KIF26B: variants seen among roughly 807,000 people sequenced by gnomAD.
KIF26B encodes the protein kinesin family member 26B, also known as kinesin-like protein KIF26B.
A neutral mutation model predicts 151.2 loss-of-function variants in KIF26B; 63 were observed. That is an observed-to-expected ratio of 0.42 (90% confidence interval 0.34 to 0.51). The LOEUF (loss-of-function observed/expected upper bound fraction) is 0.51, where lower values mean the gene tolerates loss of function less well. Among genes scored for constraint, KIF26B ranks in the 20% least tolerant of loss-of-function variants. The pLI is 0.07. For missense variants in KIF26B, 2,813 were observed against 2,913.6 expected (o/e 0.97, Z 0.79); for synonymous variants, 1,357 against 1,262.1 (o/e 1.08, Z -1.59).
intron 3 of KIF26B, among the ~76,000 whole-genome samples, chr1:245,408,349 C>CTTTTTT (rs58724712): frequency 7.1e-5 from 8 of 113,334 alleles, no homozygotes; most frequent in Non-Finnish European, 1.5e-4. Context: ...TTAAATGATT[C>CTTTTTT]TTTTTTTTTT....
At chr1:245,591,519 T>G (rs1225797862) in intron 5 of KIF26B, among the ~76,000 whole-genome samples, 1 of 152,128 alleles carries the variant, frequency 6.6e-6, no homozygotes, top group Admixed American at 6.5e-5. Context: ...CAGCCAGCAC[T>G]CAAACCCAGG....
At chr1:245,173,807 G>A (rs1162017354) in intron 2 of KIF26B, among the ~76,000 whole-genome samples, 1 of 152,206 alleles carries the variant, frequency 6.6e-6, no homozygotes, top group Non-Finnish European at 1.5e-5. Flanking sequence ...TGAGAATAGG[G>A]CTGGCCCTGG....
intron 2 of KIF26B, among the ~76,000 whole-genome samples, chr1:245,314,535 G>A (rs547905693): frequency 1.3e-5 from 2 of 152,332 alleles, no homozygotes; most frequent in Non-Finnish European, 2.9e-5. Flanking sequence ...TGACTACTAT[G>A]TGTTCAATAA....
chr1:245,680,251 G>A (rs1199602427), intron 10 of KIF26B, among the ~76,000 whole-genome samples: 2 of 152,098 alleles, frequency 1.3e-5, no homozygotes, highest in African/African-American at 4.8e-5. Flanking sequence ...GGTTGGGAAA[G>A]CCGCAGCTTT....
intron 4 of KIF26B, among the ~76,000 whole-genome samples, chr1:245,468,136 T>C (rs1194346506): frequency 6.6e-6 from 1 of 152,184 alleles, no homozygotes; most frequent in Non-Finnish European, 1.5e-5. Context: ...TTTGGAATGA[T>C]CAGAAACTTT....
At chr1:245,372,661 T>C (rs1271675137) in intron 3 of KIF26B, among the ~76,000 whole-genome samples, 1 of 152,242 alleles carries the variant, frequency 6.6e-6, no homozygotes, top group East Asian at 1.9e-4. Flanking sequence ...ACAGATTAGT[T>C]ACCTCTTTTT....
At chr1:245,398,985 T>C (rs1673928490) in intron 3 of KIF26B, among the ~76,000 whole-genome samples, 1 of 152,126 alleles carries the variant, frequency 6.6e-6, no homozygotes, top group African/African-American at 2.4e-5. Context: ...AGATATGCTG[T>C]CACGTAGCCA....
intron 9 of KIF26B, among the ~76,000 whole-genome samples, chr1:245,616,020 G>T (rs180988509): frequency 3.9e-5 from 6 of 152,170 alleles, no homozygotes; most frequent in Admixed American, 2.6e-4. Flanking sequence ...GATCTCTGCC[G>T]CAAGAACTAA....
chr1:245,484,590 A>C (rs1660234922), intron 4 of KIF26B, among the ~76,000 whole-genome samples: 1 of 151,768 alleles, frequency 6.6e-6, no homozygotes. Flanking sequence ...TTGCAGCAAA[A>C]TGAAATAGAT....
At chr1:245,510,839 C>T (rs920197732) in intron 4 of KIF26B, among the ~76,000 whole-genome samples, 2 of 152,192 alleles carry the variant, frequency 1.3e-5, no homozygotes, top group Non-Finnish European at 2.9e-5. Flanking sequence ...CTGAGCTGCA[C>T]TGGGAAGGTG....
At chr1:245,658,204 A>G (rs1040281506) in intron 10 of KIF26B, among the ~76,000 whole-genome samples, 2 of 152,186 alleles carry the variant, frequency 1.3e-5, no homozygotes, top group Admixed American at 1.3e-4. Context: ...CTTGATGCGC[A>G]CAGCTACAGG....
At chr1:245,187,014 G>A (rs1047094087) in intron 2 of KIF26B, among the ~76,000 whole-genome samples, 2 of 151,842 alleles carry the variant, frequency 1.3e-5, no homozygotes, top group African/African-American at 4.8e-5. Context: ...GCACCACCAC[G>A]CTCAGCTAAT....
chr1:245,456,011 A>C (rs1194799818), intron 4 of KIF26B, among the ~76,000 whole-genome samples: 2 of 152,224 alleles, frequency 1.3e-5, no homozygotes, highest in African/African-American at 4.8e-5. Context: ...GTATCAGGGT[A>C]TAAAGAAAAA....
chr1:245,445,501 T>C (rs999914589), intron 4 of KIF26B, among the ~76,000 whole-genome samples: 12 of 152,232 alleles, frequency 7.9e-5, no homozygotes, highest in African/African-American at 2.9e-4. Context: ...TGTGTATGCA[T>C]GCATGTGCGC....
intron 3 of KIF26B, among the ~76,000 whole-genome samples, chr1:245,402,346 C>T (rs1307754025): frequency 6.6e-6 from 1 of 152,156 alleles, no homozygotes; most frequent in African/African-American, 2.4e-5. Flanking sequence ...CATCTGAGTC[C>T]CTCCTGTCTG....
intron 4 of KIF26B, among the ~76,000 whole-genome samples, chr1:245,440,810 G>A (rs1232786928): frequency 1.3e-5 from 2 of 152,210 alleles, no homozygotes; most frequent in African/African-American, 2.4e-5. Flanking sequence ...GAAAGTGGGC[G>A]AGGATCTAGA....
At chr1:245,254,737 C>T (rs995229843) in intron 2 of KIF26B, among the ~76,000 whole-genome samples, 2 of 152,046 alleles carry the variant, frequency 1.3e-5, no homozygotes, top group African/African-American at 2.4e-5. Flanking sequence ...ACATGAGGCC[C>T]GTGTCCTTTG....
At chr1:245,272,793 G>T (rs917591226) in intron 2 of KIF26B, among the ~76,000 whole-genome samples, 2 of 152,088 alleles carry the variant, frequency 1.3e-5, no homozygotes, top group African/African-American at 4.8e-5. Flanking sequence ...GTGGTTAAGA[G>T]TGAATTGTTT....
intron 5 of KIF26B, among the ~76,000 whole-genome samples, chr1:245,573,441 T>C (rs1475348683): frequency 2.0e-5 from 3 of 152,100 alleles, no homozygotes; most frequent in African/African-American, 7.2e-5. Context: ...AAGAATCGCT[T>C]GAACCCAGGA....
Sources: allele counts gnomAD v4.1 joint callset (sites outside exome capture counted in the v4.1 genomes callset), GRCh38; gene constraint gnomAD v4.1.1; transcripts MANE v1.5; gene names NCBI Gene and HGNC (gene_info 2026-07-23, HGNC 2026-07-21).